The following BBS9 variants were observed in gnomAD, a reference collection of about 807,000 sequenced individuals.
The protein encoded by BBS9 is Bardet-Biedl syndrome 9.
Under a neutral mutation model 117.7 loss-of-function variants are expected in BBS9, and 89 were observed. That is an observed-to-expected ratio of 0.76 (90% CI 0.64 to 0.90). BBS9 has a LOEUF of 0.90. Among genes scored for constraint, BBS9 ranks in the 40% least tolerant of loss-of-function variants. The probability of loss-of-function intolerance (pLI) is 0.00; values close to 1 mark genes in which losing one functional copy is unlikely to be tolerated. For missense variants in BBS9, 982 were observed against 1,042.2 expected (o/e 0.94, Z 0.80); for synonymous variants, 379 against 370.9 (o/e 1.02, Z -0.25).
At chr7:33,256,630 G>A (rs1318742681) in intron 5 of BBS9, among the ~76,000 whole-genome samples, 2 of 152,006 alleles carry the variant, frequency 1.3e-5, no homozygotes, top group African/African-American at 4.8e-5. Flanking sequence ...TAAAATCTAA[G>A]TATGCTATTT....
intron 19 of BBS9, among the ~76,000 whole-genome samples, chr7:33,504,839 C>T (rs1399002320): frequency 6.6e-6 from 1 of 151,590 alleles, no homozygotes; most frequent in Admixed American, 6.6e-5. Flanking sequence ...AAAGTTAACA[C>T]ACCCTGAACT....
chr7:33,492,829 TGTGTGTGTGTGTGTG>T (rs1844190848), intron 19 of BBS9, among the ~76,000 whole-genome samples: 1 of 149,286 alleles, frequency 6.7e-6, no homozygotes, highest in South Asian at 2.1e-4. Flanking sequence ...TGTGTGTGTG[TGTGTGTGTGTGTGTG>T]TGTGTGTGTG....
Position 33,280,933 on chromosome 7 carries a change from A to G in BBS9, c.1016+6977A>G, listed in dbSNP as rs553009346. Reference sequence around the variant, plus strand: ...TTTGTTTTTTTTTTTTTTTTTTTGCATTATAGAAAGAGAATGTGAGCCTAT... The same window carrying G: ...TTTGTTTTTTTTTTTTTTTTTTTGCGTTATAGAAAGAGAATGTGAGCCTAT... On this transcript the variant is annotated intron_variant, in intron 9 of 22. Transcript: ENST00000242067. Among the ~76,000 whole-genome samples the G allele has an allele frequency of 2.3e-4, 10 of 42,624 alleles. No homozygotes were observed. In the South Asian group the frequency reaches 3.2e-3, roughly 14 times the overall value. 28.0% of individuals were successfully genotyped at this position (42,624 alleles called of 152,430 possible).
rs372779130 is a variant in BBS9 at position 33,414,670 on chromosome 7, A to G, written c.2115+26526A>G. The stretch of plus-strand genomic sequence containing the variant: ...ATATAGTGTAGCCATGTAAAAATCA[A>G]TTTAATCAGTTTCCTAGTATTGAAT... On this transcript the variant is annotated intron_variant, in intron 19 of 22. Coordinates refer to ENST00000242067, the MANE Select transcript of BBS9 (RefSeq NM_198428.3). 2.6e-5 allele frequency among the ~76,000 whole-genome samples: 4 copies of G among 152,312 alleles called. No individual in the cohort carries two copies. In the East Asian group the frequency reaches 7.7e-4, roughly 29 times the overall value.
chr7:33,273,012 G>A lies in BBS9; in HGVS notation c.703G>A (p.Val235Met), dbSNP rs752341066. Reference sequence around the variant, plus strand: ...ATTGATATTGAGTTTTGCTTTGTAGGTGGATTGGACTCTAAATATTGGAGA... The same window carrying A: ...ATTGATATTGAGTTTTGCTTTGTAGATGGATTGGACTCTAAATATTGGAGA... ...QKLGSGKRLV[V>M]DWTLNIGEQA... Residue 235 changes from valine to methionine, a missense_variant and splice_region_variant, in exon 8 of 23, where the codon GTG (valine) becomes ATG (methionine). Physicochemically the swap from Val to Met is conservative, Grantham distance 21. Coordinates refer to ENST00000242067, the MANE Select transcript of BBS9 (RefSeq NM_198428.3). 1 of 1,613,556 alleles carries A rather than the reference G, an allele frequency of 6.2e-7. No homozygotes were observed. Among genetic ancestry groups the A allele is most frequent in the Non-Finnish European group, 8.5e-7 (1 of 1,179,712 alleles).
intron 5 of BBS9, among the ~76,000 whole-genome samples, chr7:33,188,041 G>A (rs528463969): frequency 6.7e-6 from 1 of 148,306 alleles, no homozygotes; most frequent in African/African-American, 2.5e-5. Flanking sequence ...TGTGCAAAAC[G>A]ATGCCCTAGG....
rs531465453 is a variant in BBS9 at position 33,424,747 on chromosome 7, C to T, written c.2115+36603C>T. Reference sequence around the variant, plus strand: ...GGGTTTCTTCTTTTATACTGATGGCCGTATAATTATAAGATTTTTTTTAAT... The same window carrying T: ...GGGTTTCTTCTTTTATACTGATGGCTGTATAATTATAAGATTTTTTTTAAT... On this transcript the variant is annotated intron_variant, in intron 19 of 22. Transcript: ENST00000242067. Among the ~76,000 whole-genome samples the T allele has an allele frequency of 1.1e-4, 16 of 151,492 alleles. No homozygotes were observed. In the South Asian group the frequency reaches 2.7e-3, roughly 26 times the overall value.
At chr7:33,499,657 G>A (rs966240256) in intron 19 of BBS9, among the ~76,000 whole-genome samples, 1 of 152,204 alleles carries the variant, frequency 6.6e-6, no homozygotes, top group African/African-American at 2.4e-5. Flanking sequence ...GTGCTTCATA[G>A]TGACGTTTCT....
At chr7:33,344,662 G>A in intron 12 of BBS9, 28 bp downstream of exon 12, 2 of 1,600,354 alleles carry the variant, frequency 1.2e-6, no homozygotes, top group Non-Finnish European at 8.6e-7. Context: ...AGACTGTAAT[G>A]TGCAAACAAT....
At position 33,565,583 on chromosome 7, in the gene BBS9, G is replaced by A. The variant is rs1037098610; in HGVS notation, c.2521+31407G>A. On this transcript the variant is annotated intron_variant, in intron 21 of 22. Transcript: ENST00000242067. ...AGGGTGCATGATGATAGCAGAGATT[G>A]TTTTAAATTCTATATTCAGTTCAGA... Among the ~76,000 whole-genome samples the A allele has an allele frequency of 6.6e-5, 10 of 151,416 alleles. No individual in the cohort carries two copies. The East Asian group carries it at 1.9e-3, about 29-fold the overall frequency.
intron 21 of BBS9, among the ~76,000 whole-genome samples, chr7:33,559,453 A>G (rs1273729929): frequency 1.3e-5 from 2 of 152,136 alleles, no homozygotes; most frequent in Non-Finnish European, 2.9e-5. Flanking sequence ...TGACTTCATC[A>G]TTTAGCTGTT....
At chr7:33,609,754 G>A (rs557609336), downstream of BBS9, among the ~76,000 whole-genome samples, 7 of 152,180 alleles carry the variant, frequency 4.6e-5, 1 homozygote, top group South Asian at 8.3e-4. Context: ...GTGATACAGC[G>A]TTTTGCTCCA....
chr7:33,424,818 T>A (rs1236688259), intron 19 of BBS9, among the ~76,000 whole-genome samples: 1 of 152,112 alleles, frequency 6.6e-6, no homozygotes, highest in Admixed American at 6.6e-5. Context: ...TTAAGAAGGA[T>A]CTAGAATATG....
At chr7:33,427,699 A>G (rs903394713) in intron 19 of BBS9, among the ~76,000 whole-genome samples, 6 of 152,150 alleles carry the variant, frequency 3.9e-5, no homozygotes, top group Admixed American at 3.9e-4. Flanking sequence ...TGATGTAATC[A>G]TTCATATTAT....
chr7:33,242,014 A>G (rs1228300425), intron 5 of BBS9, among the ~76,000 whole-genome samples: 3 of 152,082 alleles, frequency 2.0e-5, no homozygotes, highest in Admixed American at 6.6e-5. Context: ...AACATTATCA[A>G]TGGGAATGAT....
chr7:33,261,159 T>C lies in BBS9; in HGVS notation c.618-3131T>C, dbSNP rs987821111. Among the ~76,000 whole-genome samples the C allele has an allele frequency of 2.0e-4, 31 of 152,110 alleles. 1 individual carries two copies. Among genetic ancestry groups the C allele is most frequent in the Non-Finnish European group, 1.5e-5 (1 of 67,998 alleles). On this transcript the variant is annotated intron_variant, in intron 6 of 22. Transcript: ENST00000242067. ...TGGAAATTATGTCTAGAAGCCTCCC[T>C]GCTCCCCTTCAGTTCTTCCCTGACC...
At chr7:33,586,437 A>C (rs778923293) in intron 21 of BBS9, among the ~76,000 whole-genome samples, 1 of 152,078 alleles carries the variant, frequency 6.6e-6, no homozygotes, top group Non-Finnish European at 1.5e-5. Context: ...ATGCTTATAT[A>C]CTGTAGGTAG....
chr7:33,594,673 C>A (rs1862446915), intron 21 of BBS9, among the ~76,000 whole-genome samples: 1 of 152,054 alleles, frequency 6.6e-6, no homozygotes, highest in South Asian at 2.1e-4. Flanking sequence ...ATAAGTCTTC[C>A]AGTCTTACCT....
At chr7:33,571,614 C>T (rs1272938073) in intron 21 of BBS9, among the ~76,000 whole-genome samples, 1 of 151,794 alleles carries the variant, frequency 6.6e-6, no homozygotes, top group Non-Finnish European at 1.5e-5. Context: ...CAATCCCAGG[C>T]TACAGAGGAA....
Sources: gnomAD v4.1 joint callset for allele counts (sites outside exome capture counted in the v4.1 genomes callset) on GRCh38, gnomAD v4.1.1 for gene constraint, MANE v1.5 for transcripts, NCBI Gene and HGNC (gene_info 2026-07-23, HGNC 2026-07-21) for gene names.